SLC43A2: variants seen among roughly 807,000 people sequenced by gnomAD.
SLC43A2 encodes the protein large neutral amino acids transporter small subunit 4.
In SLC43A2, 38 loss-of-function variants were observed where a neutral mutation model predicts 63.2. That is an observed-to-expected ratio of 0.60 (90% CI 0.46 to 0.79). The LOEUF (loss-of-function observed/expected upper bound fraction) is 0.79, where lower values mean the gene tolerates loss of function less well. Among genes scored for constraint, SLC43A2 ranks in the 30% least tolerant of loss-of-function variants. The pLI, the probability that SLC43A2 is intolerant of heterozygous loss-of-function variation, is 0.00. For synonymous variants in SLC43A2, 322 were observed against 331.0 expected, an observed-to-expected ratio of 0.97 and a Z score of 0.30; for missense variants, 644 against 756.2, an observed-to-expected ratio of 0.85 and a Z score of 1.74.
chr17:1,613,735 C>T (rs1307333084), intron 4 of SLC43A2, among the ~76,000 whole-genome samples: 2 of 152,210 alleles, frequency 1.3e-5, no homozygotes, highest in Non-Finnish European at 2.9e-5. Context: ...CCATGCCCAG[C>T]CTCCTCTTGC....
Position 1,572,965 on chromosome 17 carries a change from G to A in SLC43A2, c.*2639C>T, listed in dbSNP as rs1262569756. ...AGGTGGGAGAATTGCTTCAGCCCAG[G>A]AGTTCCAGACCAGCCTGGGCAAAAT... On this transcript the variant is annotated 3_prime_UTR_variant, in exon 14 of 14. Transcript: ENST00000301335. 2.0e-5 allele frequency: 3 copies of A among 152,024 alleles called. No homozygotes were observed. Among genetic ancestry groups the A allele is most frequent in the African/African-American group, 7.3e-5 (3 of 41,362 alleles). 9.4% of individuals were successfully genotyped at this position (152,024 alleles called of 1,614,324 possible).
chr17:1,597,328 C>A (rs1905392196), intron 5 of SLC43A2, among the ~76,000 whole-genome samples: 1 of 149,816 alleles, frequency 6.7e-6, no homozygotes, highest in African/African-American at 2.5e-5. Flanking sequence ...CATGGTGAAA[C>A]CCCGTCCCTG....
intron 5 of SLC43A2, among the ~76,000 whole-genome samples, chr17:1,601,834 A>G (rs150578857): frequency 1.4e-5 from 2 of 141,258 alleles, no homozygotes; most frequent in African/African-American, 5.4e-5. Context: ...CAAAGCCACT[A>G]TTGAGCCAGA....
intron 9 of SLC43A2, 119 bp downstream of exon 9, chr17:1,590,683 G>A: frequency 7.7e-7 from 1 of 1,291,460 alleles, no homozygotes; most frequent in Non-Finnish European, 1.1e-6. Context: ...ACAGCTCCTG[G>A]GATGCGGCCT....
chr17:1,589,254 C>T (rs140968557), intron 9 of SLC43A2, among the ~76,000 whole-genome samples: 578 of 152,268 alleles, frequency 3.8e-3, no homozygotes, highest in Admixed American at 8.3e-3. Flanking sequence ...ATGAGCCTTT[C>T]GAGGGCCAGG....
At chr17:1,617,929 A>T (rs1425541362) in intron 2 of SLC43A2, among the ~76,000 whole-genome samples, 2 of 152,226 alleles carry the variant, frequency 1.3e-5, no homozygotes, top group Non-Finnish European at 2.9e-5. Context: ...CCTGGCCGGG[A>T]CTGCTAGTTA....
At chr17:1,590,479 T>C (rs536165396) in intron 9 of SLC43A2, among the ~76,000 whole-genome samples, 2 of 152,128 alleles carry the variant, frequency 1.3e-5, no homozygotes. Flanking sequence ...CATGCTCAGG[T>C]GGAGCGTTCT....
Position 1,578,690 on chromosome 17 carries a change from G to T in SLC43A2, c.1351-367C>A. 5.0e-6 allele frequency: 1 copy of T among 200,444 alleles called. No homozygotes were observed. Among genetic ancestry groups the T allele is most frequent in the Non-Finnish European group, 1.0e-5 (1 of 97,686 alleles). 12.4% of individuals were successfully genotyped at this position (200,444 alleles called of 1,614,324 possible). On this transcript the variant is annotated intron_variant, in intron 11 of 13. Transcript: ENST00000301335. The surrounding 1 kb of genome is among the most constrained non-coding windows in gnomAD (Gnocchi z 6.5). Reference sequence around the variant, plus strand: ...TTACAGGCCCACGCCACCATGCCCGGCTAATTTTTGTATTTTTTAAGCAGA... The same window carrying T: ...TTACAGGCCCACGCCACCATGCCCGTCTAATTTTTGTATTTTTTAAGCAGA...
chr17:1,588,825 C>G (rs1904469916), intron 9 of SLC43A2, among the ~76,000 whole-genome samples: 1 of 152,222 alleles, frequency 6.6e-6, no homozygotes, highest in Non-Finnish European at 1.5e-5. Flanking sequence ...AGCAGAGTCA[C>G]CGGTCAGCGG....
intron 10 of SLC43A2, among the ~76,000 whole-genome samples, chr17:1,584,500 A>G (rs1428597595): frequency 1.3e-5 from 2 of 152,146 alleles, no homozygotes; most frequent in East Asian, 1.9e-4. Flanking sequence ...AGCTTATTAT[A>G]TTAAGGTGTG....
chr17:1,589,445 G>T (rs1250015222), intron 9 of SLC43A2, among the ~76,000 whole-genome samples: 1 of 152,094 alleles, frequency 6.6e-6, no homozygotes, highest in Non-Finnish European at 1.5e-5. Context: ...TCTCTGCAAA[G>T]AATTTAAAAA....
intron 1 of SLC43A2, among the ~76,000 whole-genome samples, chr17:1,628,534 G>C (rs1047436125): frequency 2.6e-5 from 4 of 151,970 alleles, no homozygotes; most frequent in Non-Finnish European, 5.9e-5. Flanking sequence ...GGGAGACGAG[G>C]AGCCGGTTCA....
chr17:1,584,848 A>T (rs910451595), intron 10 of SLC43A2, among the ~76,000 whole-genome samples: 1 of 152,120 alleles, frequency 6.6e-6, no homozygotes, highest in Non-Finnish European at 1.5e-5. Context: ...GAAAAAAGAA[A>T]ACAGCGTTTA....
chr17:1,588,632 G>A (rs1235553378), intron 9 of SLC43A2, among the ~76,000 whole-genome samples: 4 of 150,504 alleles, frequency 2.7e-5, no homozygotes, highest in Admixed American at 6.6e-5. Flanking sequence ...AGGAGTCGGA[G>A]GCCGTGGTGA....
chr17:1,608,486 C>T (rs1484448951), intron 5 of SLC43A2, among the ~76,000 whole-genome samples: 8 of 152,042 alleles, frequency 5.3e-5, no homozygotes, highest in African/African-American at 1.5e-4. Flanking sequence ...CTCCGCCTCC[C>T]GGGTTCAAGC....
chr17:1,586,928 T>TGGGGCCCCCCCC, intron 9 of SLC43A2: 61 of 1,232,578 alleles, frequency 4.9e-5, no homozygotes, highest in Middle Eastern at 1.9e-4. Flanking sequence ...TCCCTGACAA[T>TGGGGCCCCCCCC]CCCCCCCACC....
chr17:1,596,496 T>C (rs1459244145), intron 5 of SLC43A2, among the ~76,000 whole-genome samples: 1 of 152,038 alleles, frequency 6.6e-6, no homozygotes, highest in African/African-American at 2.4e-5. Context: ...ATCTAGAATA[T>C]ATAAACATAG....
At chr17:1,615,716 G>A (rs1284069778) in intron 3 of SLC43A2, among the ~76,000 whole-genome samples, 12 of 148,784 alleles carry the variant, frequency 8.1e-5, no homozygotes, top group East Asian at 2.0e-4. Flanking sequence ...GGTGGCAGGC[G>A]CCTGTGGTCC....
At position 1,581,968 on chromosome 17, in the gene SLC43A2, A is replaced by T. The variant is rs151158328; in HGVS notation, c.1350+1236T>A. Among the ~76,000 whole-genome samples, 15 of 151,620 alleles carry T rather than the reference A, an allele frequency of 9.9e-5. 1 individual carries two copies. The highest frequency in any genetic ancestry group is 5.8e-4 in the East Asian group (3 of 5,162). On this transcript the variant is annotated intron_variant, in intron 11 of 13. Coordinates refer to ENST00000301335, the MANE Select transcript of SLC43A2 (RefSeq NM_152346.3). ...ATTACAGGCATGTGCCACCACGCCC[A>T]GCTAATTTTTGTAATTTTAGTAGAG...
Sources: allele counts gnomAD v4.1 joint callset (sites outside exome capture counted in the v4.1 genomes callset), GRCh38; gene constraint gnomAD v4.1.1; non-coding constraint Gnocchi (gnomAD v3.1); transcripts MANE v1.5; gene names NCBI Gene and HGNC (gene_info 2026-07-23, HGNC 2026-07-21).